ZNF823: variants seen among roughly 807,000 people sequenced by gnomAD.
ZNF823 encodes zinc finger protein 823, also known as ZFP 36 for a zinc finger protein.
Under a neutral mutation model 11.4 loss-of-function variants are expected in ZNF823, and 5 were observed. The ratio of observed to expected loss-of-function variants is 0.44; its 90% CI spans 0.23 to 0.92. The LOEUF (loss-of-function observed/expected upper bound fraction) is 0.92. Among genes scored for constraint, ZNF823 ranks in the 40% least tolerant of loss-of-function variants. The pLI, the probability that ZNF823 is intolerant of heterozygous loss-of-function variation, is 0.24. For synonymous variants in ZNF823, 234 were observed against 250.5 expected (o/e 0.93, Z 0.62); for missense variants, 582 against 738.5 (o/e 0.79, Z 2.46).
At position 11,723,234 on chromosome 19, in the gene ZNF823, ACT is replaced by A. The variant is rs765779321; in HGVS notation, c.298_299del (p.Ser100TrpfsTer2). 4 of 1,613,916 alleles carry A rather than the reference ACT, an allele frequency of 2.5e-6. No individual in the cohort carries two copies. Among genetic ancestry groups the A allele is most frequent in the Non-Finnish European group, 3.4e-6 (4 of 1,179,940 alleles). ...CCAAGACGACTTCTCCACACTCACC[ACT>A]GTCACATGGATTTACTCGAGGAGTG... ...KNTPRVNPCD[S>X]GECGEVVLGH... On this transcript the variant is annotated frameshift_variant, in exon 4 of 4. Transcript: ENST00000341191. LOFTEE classifies it low-confidence loss of function (END_TRUNC).
intron 1 of ZNF823, among the ~76,000 whole-genome samples, chr19:11,735,286 A>G (rs999725083): frequency 6.6e-6 from 1 of 151,136 alleles, no homozygotes; most frequent in East Asian, 1.9e-4. Context: ...AAAAACAAAA[A>G]AAAAAAAAAA....
Position 11,721,805 on chromosome 19 carries a change from G to C in ZNF823, c.1729C>G (p.His577Asp), listed in dbSNP as rs779222336. 3 of 1,614,034 alleles carry C rather than the reference G, an allele frequency of 1.9e-6. No homozygotes were observed. The African/African-American group carries it at 4.0e-5, about 22-fold the overall frequency. ...CATTCATACAGCTTCTCTCCAGTGTGAGTTTTTTCATGTCCTCGAAGGAAA... is the reference window on the plus strand; with the variant it reads ...CATTCATACAGCTTCTCTCCAGTGTCAGTTTTTTCATGTCCTCGAAGGAAA... ...SRFLRGHEKTHTGEKLYECKE... is the reference protein window; with the variant it reads ...SRFLRGHEKTDTGEKLYECKE... Residue 577 changes from histidine to aspartate, a missense_variant, in exon 4 of 4, where the codon CAC (histidine) becomes GAC (aspartate). His to Asp is a moderately conservative substitution (Grantham distance 81, BLOSUM62 -1). Coordinates refer to ENST00000341191, the MANE Select transcript of ZNF823 (RefSeq NM_001080493.4).
At chr19:11,737,694 CAATT>C (rs1391978657) in intron 1 of ZNF823, among the ~76,000 whole-genome samples, 1 of 149,910 alleles carries the variant, frequency 6.7e-6, no homozygotes, top group African/African-American at 2.5e-5. Context: ...AAGAAAGTGA[CAATT>C]AAAATAATGC....
chr19:11,723,236 T>C lies in ZNF823; in HGVS notation c.298A>G (p.Ser100Gly), dbSNP rs1974727879. ...AAGACGACTTCTCCACACTCACCAC[T>C]GTCACATGGATTTACTCGAGGAGTG... is the stretch of plus-strand genomic sequence containing the variant. ...KNTPRVNPCD[S>G]GECGEVVLGH... is the part of the protein sequence containing the mutation. Residue 100 changes from serine (S) to glycine (G), a missense_variant, in exon 4 of 4, where the codon AGT becomes GGT. Around this residue, in one of 3 missense-constraint regions of ZNF823, gnomAD observed 429 missense variants for 553.7 expected, o/e 0.77. Transcript: ENST00000341191. The C allele has an allele frequency of 6.2e-7, 1 of 1,614,088 alleles. No homozygotes were observed. The highest frequency in any genetic ancestry group is 8.5e-7 in the Non-Finnish European group (1 of 1,179,918).
At position 11,728,388 on chromosome 19, in the gene ZNF823, G is replaced by A. The variant is rs969976024; in HGVS notation, c.4-3061C>T. On this transcript the variant is annotated intron_variant, in intron 1 of 3. Transcript: ENST00000341191. ...AATTAGGGTACTGAAAAGCACACAG[G>A]TATATTATGGCATACTTTTCTTATA... Among the ~76,000 whole-genome samples, 3 of 152,244 alleles carry A rather than the reference G, an allele frequency of 2.0e-5. No individual in the cohort carries two copies. The South Asian group carries it at 6.2e-4, about 32-fold the overall frequency.
chr19:11,723,927 T>C (rs1464037690), intron 3 of ZNF823, among the ~76,000 whole-genome samples: 1 of 152,162 alleles, frequency 6.6e-6, no homozygotes, highest in African/African-American at 2.4e-5. Flanking sequence ...TATATGTTCC[T>C]CGGGAAAATT....
chr19:11,724,440 G>A (rs930577272), intron 2 of ZNF823, among the ~76,000 whole-genome samples, 186 bp from the exon 3 acceptor site: 3 of 151,940 alleles, frequency 2.0e-5, no homozygotes, highest in Admixed American at 2.0e-4. Context: ...GCTACCCCTG[G>A]GACAGCAAGA....
Position 11,723,182 on chromosome 19 carries a change from T to C in ZNF823, c.352A>G (p.Arg118Gly). ...LGHSSLNCNI[R>G]VDTGHKSCEH... ...CATGATTTGTGTCCAGTGTCAACTC[T>C]GATGTTGCAATTAAGAGACGAATGA... The change falls in exon 4 of 4, where the codon AGA (arginine) becomes GGA (glycine). Residue 118 changes from arginine to glycine, a missense_variant. Arg to Gly is a moderately radical substitution (Grantham distance 125, BLOSUM62 -2). This residue lies in a region of ZNF823 where 429 missense variants were observed against 553.7 expected (regional missense o/e 0.77). Coordinates refer to ENST00000341191, the MANE Select transcript of ZNF823 (RefSeq NM_001080493.4). The C allele has an allele frequency of 6.2e-7, 1 of 1,614,204 alleles. No homozygotes were observed. The highest frequency in any genetic ancestry group is 8.5e-7 in the Non-Finnish European group (1 of 1,180,042).
intron 2 of ZNF823, among the ~76,000 whole-genome samples, chr19:11,724,619 C>T (rs1017359512): frequency 2.1e-5 from 3 of 142,702 alleles, no homozygotes; most frequent in African/African-American, 8.0e-5. Flanking sequence ...AGTGCAGTGG[C>T]GCGATCTCAG....
intron 2 of ZNF823, among the ~76,000 whole-genome samples, chr19:11,724,850 G>A (rs968120294): frequency 2.0e-5 from 3 of 151,962 alleles, no homozygotes; most frequent in East Asian, 1.9e-4. Context: ...GTGAGTCACC[G>A]CACCCGGCCA....
rs1974745960 is a variant in ZNF823, at chr19:11,724,106, G to A, written c.191+88C>T. ...GAATGAATAAATTTAAGCTGGGCTT[G>A]TTCATTTTCTCTGCTCGTTTTTAAA... On this transcript the variant is annotated intron_variant, in intron 3 of 3. Transcript: ENST00000341191. The A allele has an allele frequency of 4.6e-6, 5 of 1,089,658 alleles. No individual in the cohort carries two copies. The South Asian group carries it at 6.4e-5, about 14-fold the overall frequency. 67.5% of individuals were successfully genotyped at this position (1,089,658 alleles called of 1,614,324 possible).
chr19:11,734,554 T>C (rs1205634241), intron 1 of ZNF823, among the ~76,000 whole-genome samples: 1 of 152,184 alleles, frequency 6.6e-6, no homozygotes, highest in Non-Finnish European at 1.5e-5. Context: ...TTTATTTATT[T>C]TGAGATGGAG....
intron 1 of ZNF823, among the ~76,000 whole-genome samples, chr19:11,733,845 T>C (rs369870858): frequency 8.5e-5 from 13 of 152,290 alleles, no homozygotes; most frequent in African/African-American, 3.1e-4. Flanking sequence ...TTGTACAATA[T>C]TCTGATTAAA....
At chr19:11,726,287 C>CATATATATATATATATATATATATAT (rs139368397) in intron 1 of ZNF823, among the ~76,000 whole-genome samples, 48 of 112,062 alleles carry the variant, frequency 4.3e-4, no homozygotes, top group African/African-American at 1.0e-3. Flanking sequence ...ATAAAAAATA[C>CATATATATATATATATATATATATAT]ATATATATAT....
At chr19:11,728,169 G>A (rs988472889) in intron 1 of ZNF823, among the ~76,000 whole-genome samples, 2 of 152,084 alleles carry the variant, frequency 1.3e-5, no homozygotes, top group Admixed American at 6.6e-5. Context: ...GAGCCACAGC[G>A]CCCGGCCAAG....
Position 11,722,854 on chromosome 19 carries a change from T to A in ZNF823, c.680A>T (p.Lys227Ile). The A allele has an allele frequency of 6.2e-7, 1 of 1,614,180 alleles. No homozygotes were observed. Among genetic ancestry groups the A allele is most frequent in the East Asian group, 2.2e-5 (1 of 44,882 alleles). Residue 227 changes from lysine to isoleucine, a missense_variant, in exon 4 of 4, where the codon AAA (lysine) becomes ATA (isoleucine). Lys to Ile is a moderately radical substitution (Grantham distance 102, BLOSUM62 -3). Around this residue, in one of 3 missense-constraint regions of ZNF823, gnomAD observed 429 missense variants for 553.7 expected, o/e 0.77. Coordinates refer to ENST00000341191, the MANE Select transcript of ZNF823 (RefSeq NM_001080493.4). The surrounding 1 kb of genome is among the most constrained non-coding windows in gnomAD (Gnocchi z 5.2). The stretch of plus-strand genomic sequence containing the variant: ...ATAGGAACTGTAAAAAGGAAAGGCT[T>A]TAGAACACTGCTTACATTCATACGG... ...EKPYECKQCS[K>I]AFPFYSSYLR...
rs750738413 is a variant in ZNF823, at chr19:11,724,273, A to C, written c.131-19T>G. 1.9e-6 allele frequency: 3 copies of C among 1,583,504 alleles called. No homozygotes were observed. The highest frequency in any genetic ancestry group is 2.6e-6 in the Non-Finnish European group (3 of 1,169,116). On this transcript the variant is annotated intron_variant, in intron 2 of 3. Coordinates refer to ENST00000341191, the MANE Select transcript of ZNF823 (RefSeq NM_001080493.4). Reference sequence around the variant, plus strand: ...TTCATTTCTAAAAGGTAGACCCAGGAAAATCACTAAAAATGTTTACAAAAT... The same window carrying C: ...TTCATTTCTAAAAGGTAGACCCAGGCAAATCACTAAAAATGTTTACAAAAT...
At chr19:11,726,294 A>ATATATATGTATATATATG (rs1377591945) in intron 1 of ZNF823, among the ~76,000 whole-genome samples, 3 of 141,740 alleles carry the variant, frequency 2.1e-5, no homozygotes, top group Admixed American at 7.3e-5. Flanking sequence ...ATACATATAT[A>ATATATATGTATATATATG]TATATATATA....
At chr19:11,729,437 T>C (rs748695344) in intron 1 of ZNF823, among the ~76,000 whole-genome samples, 4 of 152,198 alleles carry the variant, frequency 2.6e-5, no homozygotes, top group Non-Finnish European at 5.9e-5. Flanking sequence ...TTAATATCTA[T>C]GCTCATAAAA....
Sources: gnomAD v4.1 joint callset for allele counts (sites outside exome capture counted in the v4.1 genomes callset) on GRCh38, gnomAD v4.1.1 for gene constraint, gnomAD v4.1.1 regional missense constraint, Gnocchi (gnomAD v3.1) non-coding constraint, MANE v1.5 for transcripts, NCBI Gene and HGNC (gene_info 2026-07-23, HGNC 2026-07-21) for gene names.